Variants in CEACAM19 observed in about 807,000 individuals in gnomAD.
CEACAM19 encodes cell adhesion molecule CEACAM19.
In CEACAM19, 37 loss-of-function variants were observed where a neutral mutation model predicts 37.6. That is an observed-to-expected ratio of 0.98 (90% CI 0.76 to 1.29). CEACAM19 has a LOEUF of 1.29. Ranked by LOEUF, CEACAM19 falls within the 50% of genes most tolerant of loss-of-function variation. CEACAM19 has a pLI of 0.00. For missense variants in CEACAM19, 340 were observed against 375.6 expected, an observed-to-expected ratio of 0.91 and a Z score of 0.78; for synonymous variants, 140 against 149.8, an observed-to-expected ratio of 0.93 and a Z score of 0.48.
At chr19:44,667,929 TATATA>T (rs1172562736), upstream of CEACAM19, among the ~76,000 whole-genome samples, 1 of 76,328 alleles carries the variant, frequency 1.3e-5, no homozygotes, top group Non-Finnish European at 2.1e-5. Flanking sequence ...TTATATATAA[TATATA>T]AAATATATAT....
chr19:44,678,862 T>C lies in CEACAM19; in HGVS notation c.585T>C (p.Ala195=), dbSNP rs1337959673. ...NWRGQSHRLP[A]PRGQGSLSIL... is the part of the protein sequence containing the mutation. ...TCTCTTTCCACCCTAGACTGCCTGC[T>C]CCGAGGGGCCAGGGATCTCTGTCCA... The change falls in exon 4 of 8, where the codon GCT becomes GCC. Residue 195 remains alanine (A), a synonymous_variant. Transcript: ENST00000358777. 1.9e-6 allele frequency: 3 copies of C among 1,613,964 alleles called. No individual in the cohort carries two copies. Among genetic ancestry groups the C allele is most frequent in the South Asian group, 1.1e-5 (1 of 91,034 alleles).
chr19:44,670,642 T>C (rs1973837948), upstream of CEACAM19, among the ~76,000 whole-genome samples: 1 of 151,900 alleles, frequency 6.6e-6, no homozygotes, highest in Non-Finnish European at 1.5e-5. Flanking sequence ...GCCACTGTAC[T>C]CCAGCCTGGG....
chr19:44,670,792 A>C (rs1256486823), upstream of CEACAM19, among the ~76,000 whole-genome samples: 2 of 126,794 alleles, frequency 1.6e-5, no homozygotes, highest in Non-Finnish European at 3.2e-5. Context: ...AAAAAAAAAA[A>C]AAAAAAAAAA....
At chr19:44,667,681 ATATATAAATATATAATATATAT>A (rs2123781043), upstream of CEACAM19, among the ~76,000 whole-genome samples, 2 of 85,138 alleles carry the variant, frequency 2.3e-5, no homozygotes, top group Admixed American at 4.2e-4. Context: ...TATATATTAT[ATATATAAATATATAATATATAT>A]TATATAAATA....
chr19:44,666,776 C>T (rs781334864), upstream of CEACAM19, among the ~76,000 whole-genome samples: 103 of 151,508 alleles, frequency 6.8e-4, no homozygotes, highest in Non-Finnish European at 9.1e-4. Flanking sequence ...GGAAAATACA[C>T]TTCTCTTGAG....
chr19:44,673,101 T>A, intron 2 of CEACAM19, 137 bp downstream of exon 2: 1 of 624,638 alleles, frequency 1.6e-6, no homozygotes, highest in Non-Finnish European at 2.4e-6. Flanking sequence ...ATCTACTGTG[T>A]ACCAATCCCC....
In CEACAM19 at chr19:44,676,304, C is replaced by T; in HGVS notation, c.458C>T (p.Pro153Leu). The T allele has an allele frequency of 6.2e-7, 1 of 1,614,138 alleles. No homozygotes were observed. Among genetic ancestry groups the T allele is most frequent in the Non-Finnish European group, 8.5e-7 (1 of 1,180,016 alleles). Residue 153 changes from proline (P) to leucine (L), a missense_variant, in exon 3 of 8, where the codon CCC becomes CTC. Coordinates refer to ENST00000358777, the MANE Select transcript of CEACAM19 (RefSeq NM_001127893.3). The stretch of plus-strand genomic sequence containing the variant: ...AAGGAGCTGCCCAGTACACACCTGC[C>T]CACCAACGCTGGGATCCTGGCGGCC... ...KNKELPSTHL[P>L]TNAGILAATI...
At chr19:44,681,869 G>A (rs1288771400) in intron 6 of CEACAM19, among the ~76,000 whole-genome samples, 5 of 151,880 alleles carry the variant, frequency 3.3e-5, no homozygotes, top group Non-Finnish European at 1.5e-5. Context: ...GGTGGAGGTT[G>A]CAGTAAGCCG....
intron 3 of CEACAM19, 79 bp from the exon 4 acceptor site, chr19:44,678,774 C>A: frequency 6.4e-7 from 1 of 1,552,026 alleles, no homozygotes; most frequent in Non-Finnish European, 8.7e-7. Flanking sequence ...CATTTTCCTT[C>A]ATAGGGAAGG....
At chr19:44,679,698 G>A (rs1470405940) in intron 4 of CEACAM19, among the ~76,000 whole-genome samples, 5 of 151,874 alleles carry the variant, frequency 3.3e-5, no homozygotes, top group African/African-American at 1.2e-4. Flanking sequence ...TTAGTGAGCC[G>A]AGATTGCACC....
chr19:44,681,311 G>A lies in CEACAM19; in HGVS notation c.791G>A (p.Arg264Gln), dbSNP rs1463426615. 1.6e-5 allele frequency: 26 copies of A among 1,611,650 alleles called. No individual in the cohort carries two copies. The highest frequency in any genetic ancestry group is 2.2e-5 in the East Asian group (1 of 44,842). Residue 264 changes from arginine (R) to glutamine (Q), a missense_variant and splice_region_variant, in exon 6 of 8, where the codon CGG becomes CAG. Transcript: ENST00000358777. ...ISDTRSINPA[R>Q]PLPTPPHLQA... ...GACACAAGGTCCATAAACCCAGCCCGGGTGAGTCCCGTCCCCAGCCTCTCC... is the reference window on the plus strand; with the variant it reads ...GACACAAGGTCCATAAACCCAGCCCAGGTGAGTCCCGTCCCCAGCCTCTCC...
chr19:44,681,807 G>A (rs1325215185), intron 6 of CEACAM19, among the ~76,000 whole-genome samples: 1 of 151,908 alleles, frequency 6.6e-6, no homozygotes, highest in African/African-American at 2.4e-5. Flanking sequence ...GCACATGCCT[G>A]TAATCCCAGT....
chr19:44,670,435 G>A (rs1210475201), upstream of CEACAM19, among the ~76,000 whole-genome samples: 1 of 152,090 alleles, frequency 6.6e-6, no homozygotes, highest in Non-Finnish European at 1.5e-5. Context: ...AGTACTTTGG[G>A]AGGCCGAGGC....
chr19:44,681,162 C>T, intron 5 of CEACAM19, 65 bp from the exon 6 acceptor site: 1 of 1,030,938 alleles, frequency 9.7e-7, no homozygotes, highest in Non-Finnish European at 1.5e-6. Flanking sequence ...TGAATGTCAA[C>T]AGGCAGTCAG....
chr19:44,669,058 G>A (rs1973816196), upstream of CEACAM19, among the ~76,000 whole-genome samples: 1 of 151,370 alleles, frequency 6.6e-6, no homozygotes, highest in East Asian at 1.9e-4. Flanking sequence ...GACCTCAAGT[G>A]ATCTGCCTGC....
upstream of CEACAM19, among the ~76,000 whole-genome samples, chr19:44,670,955 C>T (rs539411423): frequency 2.0e-5 from 3 of 152,038 alleles, no homozygotes; most frequent in East Asian, 2.0e-4. Context: ...AGTAGCCGGG[C>T]GTGGTGGCGC....
chr19:44,676,476 C>T, intron 3 of CEACAM19, 55 bp downstream of exon 3: 2 of 1,562,718 alleles, frequency 1.3e-6, no homozygotes, highest in Non-Finnish European at 1.8e-6. Flanking sequence ...TTCTCAAGCC[C>T]CATGGATTCT....
chr19:44,677,696 T>G, intron 3 of CEACAM19: 1 of 132,184 alleles, frequency 7.6e-6, no homozygotes, highest in East Asian at 2.0e-4. Flanking sequence ...CTTCTTCTTC[T>G]TTTTTTTTTT....
chr19:44,668,573 G>GTATATAAT (rs1973796052), upstream of CEACAM19, among the ~76,000 whole-genome samples: 2 of 56,764 alleles, frequency 3.5e-5, no homozygotes, highest in Non-Finnish European at 5.9e-5. Context: ...TATTATATAT[G>GTATATAAT]TATATAATTA....
Sources: allele counts gnomAD v4.1 joint callset (sites outside exome capture counted in the v4.1 genomes callset), GRCh38; gene constraint gnomAD v4.1.1; transcripts MANE v1.5; gene names NCBI Gene and HGNC (gene_info 2026-07-23, HGNC 2026-07-21).